Variants in MTA3 observed in about 807,000 individuals in gnomAD.
MTA3 encodes the protein metastasis associated 1 family member 3.
A neutral mutation model predicts 83.5 loss-of-function variants in MTA3; 34 were observed. The ratio of observed to expected loss-of-function variants is 0.41; its 90% CI spans 0.31 to 0.54. The LOEUF (loss-of-function observed/expected upper bound fraction) is 0.54. Ranked by LOEUF, MTA3 falls within the 20% of genes least tolerant of loss-of-function variation. The pLI is 0.33. For synonymous variants in MTA3, 303 were observed against 252.7 expected, an observed-to-expected ratio of 1.20 and a Z score of -1.89; for missense variants, 761 against 726.4, an observed-to-expected ratio of 1.05 and a Z score of -0.55.
chr2:42,570,276 G>A (rs1159129217), intron 1 of MTA3, among the ~76,000 whole-genome samples, 161 bp from the exon 2 acceptor site: 2 of 152,210 alleles, frequency 1.3e-5, no homozygotes, highest in Admixed American at 1.3e-4. Context: ...TAGTAGGCAC[G>A]TGAGAGGATA....
At position 42,754,002 on chromosome 2, in the gene MTA3, G is replaced by C. The variant is rs1269852820; in HGVS notation, c.*603G>C. The C allele has an allele frequency of 1.5e-5, 15 of 985,220 alleles. No individual in the cohort carries two copies. Among genetic ancestry groups the C allele is most frequent in the Non-Finnish European group, 1.8e-5 (15 of 829,908 alleles). The allele number at this position is 985,220 out of a possible 1,614,324, so 61.0% of individuals were successfully genotyped here. On this transcript the variant is annotated 3_prime_UTR_variant, in exon 17 of 17. Transcript: ENST00000405094. ...GTTTACCCTCTGCATTCCTATATGT[G>C]ACCCTCCCTCCTACTCCTCCAAGGA...
rs879787579 is a variant in MTA3, at chr2:42,707,242, A to AT, written c.1151-647dup. Among the ~76,000 whole-genome samples, 747 of 143,074 alleles carry AT rather than the reference A, an allele frequency of 5.2e-3. 1 individual carries two copies. The highest frequency in any genetic ancestry group is 0.01 in the Admixed American group (145 of 14,262). The allele number at this position is 143,074 out of a possible 152,430, so 93.9% of individuals were successfully genotyped here. A position where few individuals can be genotyped will look rare whatever the true frequency, so the allele number is the denominator to read the frequency against. On this transcript the variant is annotated intron_variant, in intron 12 of 16. Transcript: ENST00000405094. ...CCTGGGTTTGGAAACGTGGATTTAG[A>AT]TTTTTTTTTTTTTTCTTTTGAGATG... is the stretch of plus-strand genomic sequence containing the variant.
chr2:42,599,239 T>C (rs1466023968), intron 3 of MTA3, among the ~76,000 whole-genome samples: 1 of 152,204 alleles, frequency 6.6e-6, no homozygotes, highest in Non-Finnish European at 1.5e-5. Context: ...TGGGGATTTG[T>C]GCATCTTTCT....
intron 2 of MTA3, among the ~76,000 whole-genome samples, chr2:42,557,316 A>T (rs1677444929): frequency 6.6e-6 from 1 of 151,876 alleles, no homozygotes; most frequent in Non-Finnish European, 1.5e-5. Context: ...TAAGAAAAAA[A>T]AAACACAGTC....
intron 9 of MTA3, among the ~76,000 whole-genome samples, chr2:42,685,043 A>C (rs1232348239): frequency 6.6e-6 from 1 of 152,226 alleles, no homozygotes; most frequent in South Asian, 2.1e-4. Context: ...AAAGAGAGAA[A>C]AGAGCAGATA....
chr2:42,530,453 C>G (rs1336991588), intron 2 of MTA3, among the ~76,000 whole-genome samples: 3 of 150,560 alleles, frequency 2.0e-5, no homozygotes, highest in Non-Finnish European at 4.4e-5. Flanking sequence ...CGCCACTGCA[C>G]TCCAGCCTGG....
At chr2:42,613,888 G>A (rs1301123052) in intron 4 of MTA3, 1 of 152,184 alleles carries the variant, frequency 6.6e-6, no homozygotes, top group African/African-American at 2.4e-5. Context: ...CTTGAGTAGT[G>A]AGTATCCCTT....
chr2:42,727,696 A>G (rs186261842), intron 16 of MTA3, among the ~76,000 whole-genome samples: 2 of 151,994 alleles, frequency 1.3e-5, no homozygotes, highest in East Asian at 1.9e-4. Context: ...GGTGAATCAC[A>G]TGGTTTTTTT....
intron 8 of MTA3, among the ~76,000 whole-genome samples, 193 bp from the exon 9 acceptor site, chr2:42,682,208 G>A (rs1671925336): frequency 6.6e-6 from 1 of 151,918 alleles, no homozygotes; most frequent in South Asian, 2.1e-4. Flanking sequence ...CCAAATAAGG[G>A]TACAAGTCAG....
At chr2:42,724,751 A>G (rs565812334) in intron 16 of MTA3, among the ~76,000 whole-genome samples, 2 of 152,278 alleles carry the variant, frequency 1.3e-5, no homozygotes, top group African/African-American at 4.8e-5. Flanking sequence ...CCTGGCCTGC[A>G]ATACCTCTTC....
chr2:42,664,062 T>C (rs1419073955), intron 8 of MTA3, among the ~76,000 whole-genome samples: 1 of 152,214 alleles, frequency 6.6e-6, no homozygotes, highest in Non-Finnish European at 1.5e-5. Flanking sequence ...TTATCTCTCC[T>C]CTGTCAGATT....
At chr2:42,704,987 C>T (rs187366177) in intron 12 of MTA3, among the ~76,000 whole-genome samples, 3 of 152,208 alleles carry the variant, frequency 2.0e-5, no homozygotes, top group East Asian at 1.9e-4. Flanking sequence ...TGTTTCCTTC[C>T]AGTTAAGGTA....
intron 9 of MTA3, among the ~76,000 whole-genome samples, chr2:42,686,458 A>G (rs1692375134): frequency 6.6e-6 from 1 of 152,004 alleles, no homozygotes; most frequent in Non-Finnish European, 1.5e-5. Context: ...AGTCCGAGGC[A>G]GGAGGATCAC....
chr2:42,686,898 C>G (rs1427020725), intron 9 of MTA3, among the ~76,000 whole-genome samples: 1 of 150,616 alleles, frequency 6.6e-6, no homozygotes, highest in African/African-American at 2.4e-5. Context: ...ATGGGCAGAT[C>G]ACTTGAGGCC....
intron 2 of MTA3, among the ~76,000 whole-genome samples, chr2:42,546,708 A>G (rs1360452002): frequency 6.6e-6 from 1 of 152,182 alleles, no homozygotes; most frequent in African/African-American, 2.4e-5. Context: ...CACTCTATTT[A>G]GAGGCATTTC....
chr2:42,513,503 C>T (rs1043589361), intron 2 of MTA3, among the ~76,000 whole-genome samples: 2 of 152,164 alleles, frequency 1.3e-5, no homozygotes, highest in Non-Finnish European at 2.9e-5. Context: ...GAACAGACTC[C>T]GTGTTAAAGC....
chr2:42,657,741 A>C (rs1689294019), intron 7 of MTA3, among the ~76,000 whole-genome samples: 1 of 142,284 alleles, frequency 7.0e-6, no homozygotes, highest in Non-Finnish European at 1.5e-5. Context: ...AAACCTGGGC[A>C]ATATAGTAAG....
chr2:42,563,304 G>A (rs923289791), intron 2 of MTA3, among the ~76,000 whole-genome samples: 31 of 152,090 alleles, frequency 2.0e-4, no homozygotes, highest in African/African-American at 7.2e-4. Context: ...AAGTAGCTGG[G>A]ATTACAGGCG....
intron 3 of MTA3, among the ~76,000 whole-genome samples, chr2:42,581,404 C>T (rs144513037): frequency 1.4e-4 from 17 of 125,182 alleles, no homozygotes; most frequent in Admixed American, 4.9e-4. Flanking sequence ...GGGTCTTGCT[C>T]TCTTGCCCAG....
Sources: gnomAD v4.1 joint callset for allele counts (sites outside exome capture counted in the v4.1 genomes callset) on GRCh38, gnomAD v4.1.1 for gene constraint, MANE v1.5 for transcripts, NCBI Gene and HGNC (gene_info 2026-07-23, HGNC 2026-07-21) for gene names.